Variants in CDH13 observed in about 807,000 individuals in gnomAD.
CDH13 encodes the protein cadherin 13, also known as cadherin-13.
CDH13 carries 24 observed loss-of-function variants against 63.8 expected under a neutral mutation model. The ratio of observed to expected loss-of-function variants is 0.38; its 90% confidence interval spans 0.27 to 0.53. The LOEUF is 0.53. CDH13 is among the 20% of genes least tolerant of loss of function. The pLI is 0.85. For missense variants in CDH13, 1,049 were observed against 903.1 expected, an observed-to-expected ratio of 1.16 and a Z score of -2.07; for synonymous variants, 503 against 355.3, an observed-to-expected ratio of 1.42 and a Z score of -4.67.
chr16:83,215,211 G>A (rs968702076), intron 4 of CDH13, among the ~76,000 whole-genome samples: 1 of 149,064 alleles, frequency 6.7e-6, no homozygotes, highest in Non-Finnish European at 1.5e-5. Context: ...AGAGTAACAG[G>A]GATTACAGGT....
intron 3 of CDH13, among the ~76,000 whole-genome samples, chr16:83,107,545 C>T (rs572122504): frequency 6.6e-5 from 10 of 152,214 alleles, no homozygotes; most frequent in African/African-American, 2.4e-4. Flanking sequence ...AAGTAGTTTG[C>T]ATTTAGGAGG....
chr16:83,114,937 G>A (rs1341258590), intron 3 of CDH13, among the ~76,000 whole-genome samples: 1 of 152,224 alleles, frequency 6.6e-6, no homozygotes, highest in East Asian at 1.9e-4. Context: ...ATTGGAGATT[G>A]GCTTCTGCAG....
At chr16:83,043,478 A>C (rs1047310378) in intron 3 of CDH13, among the ~76,000 whole-genome samples, 1 of 143,884 alleles carries the variant, frequency 7.0e-6, no homozygotes, top group African/African-American at 2.6e-5. Flanking sequence ...TTATATAATA[A>C]CTGTATATAT....
intron 1 of CDH13, among the ~76,000 whole-genome samples, chr16:82,668,159 C>T (rs1912825065): frequency 6.6e-6 from 1 of 152,118 alleles, no homozygotes; most frequent in African/African-American, 2.4e-5. Flanking sequence ...AGGCAGCATA[C>T]AGACCATGGG....
intron 1 of CDH13, among the ~76,000 whole-genome samples, chr16:82,632,332 A>G (rs1908112634): frequency 6.6e-6 from 1 of 152,162 alleles, no homozygotes; most frequent in Non-Finnish European, 1.5e-5. Context: ...AAAGGGAGGG[A>G]CTGGCCTTTT....
chr16:83,530,743 G>A (rs2075066143), intron 7 of CDH13, among the ~76,000 whole-genome samples: 1 of 151,420 alleles, frequency 6.6e-6, no homozygotes, highest in Non-Finnish European at 1.5e-5. Flanking sequence ...ACTTTCCCAA[G>A]TCACTCAACT....
At position 83,344,912 on chromosome 16, in the gene CDH13, G is replaced by A. The variant is rs2090805318; in HGVS notation, c.687G>A (p.Val229=). 6.2e-7 allele frequency: 1 copy of A among 1,613,986 alleles called. No individual in the cohort carries two copies. Among genetic ancestry groups the A allele is most frequent in the Non-Finnish European group, 8.5e-7 (1 of 1,179,848 alleles). ...ATGGCAAAACTCTCGAGGGGCCGGT[G>A]CCTCTGGAAGTCATTGTGATTGATC... is the stretch of plus-strand genomic sequence containing the variant. The part of the protein sequence containing the change: ...DVNGKTLEGP[V]PLEVIVIDQN... The change falls in exon 6 of 14, where the codon GTG becomes GTA. Residue 229 remains valine, a synonymous_variant. Coordinates refer to ENST00000567109, the MANE Select transcript of CDH13 (RefSeq NM_001257.5).
chr16:83,332,272 G>A (rs943664594), intron 5 of CDH13, among the ~76,000 whole-genome samples: 1 of 151,924 alleles, frequency 6.6e-6, no homozygotes, highest in African/African-American at 2.4e-5. Context: ...GAGCTCTAAT[G>A]GTGGCTTAGA....
chr16:83,309,201 G>GCCTA lies in CDH13; in HGVS notation c.637-35658_637-35655dup, dbSNP rs1460355977. Among the ~76,000 whole-genome samples the GCCTA allele has an allele frequency of 5.3e-5, 8 of 152,284 alleles. No homozygotes were observed. The South Asian group carries it at 1.7e-3, about 32-fold the overall frequency. On this transcript the variant is annotated intron_variant, in intron 5 of 13. Transcript: ENST00000567109. ...GTTTGCAGCGTTATACCGAGTGCTT[G>GCCTA]CCTACCAGTGGGCTCCAAAGGGATT...
At chr16:83,677,222 A>G (rs1044527854) in intron 9 of CDH13, among the ~76,000 whole-genome samples, 1 of 152,196 alleles carries the variant, frequency 6.6e-6, no homozygotes, top group Non-Finnish European at 1.5e-5. Context: ...CAGACACTCA[A>G]TTGGCAGCGC....
chr16:82,887,857 T>G (rs1460176969), intron 2 of CDH13, among the ~76,000 whole-genome samples: 1 of 149,930 alleles, frequency 6.7e-6, no homozygotes, highest in Non-Finnish European at 1.5e-5. Flanking sequence ...GTCTCAAGGG[T>G]TTTTTTTTCC....
chr16:82,944,140 G>A (rs554388215), intron 2 of CDH13, among the ~76,000 whole-genome samples: 51 of 152,282 alleles, frequency 3.3e-4, no homozygotes, highest in African/African-American at 9.6e-4. Context: ...CAGGAGAATC[G>A]TCTTAGGAGA....
At chr16:83,351,761 G>A (rs1321814172) in intron 6 of CDH13, among the ~76,000 whole-genome samples, 1 of 152,208 alleles carries the variant, frequency 6.6e-6, no homozygotes, top group Non-Finnish European at 1.5e-5. Context: ...TGGCGGATAT[G>A]CCCTGTTATG....
chr16:83,321,225 C>G (rs963858994), intron 5 of CDH13, among the ~76,000 whole-genome samples: 5 of 152,200 alleles, frequency 3.3e-5, no homozygotes, highest in African/African-American at 1.2e-4. Flanking sequence ...CGTGCTAATT[C>G]AGGTCAGATG....
rs543944159 is a variant in CDH13, at chr16:83,321,674, G to A, written c.637-23188G>A. Reference sequence around the variant, plus strand: ...CTCCTGAGTAGCTGGGACTACAGGCGCCTGCCACCATGCCCAGCTAATTTT... The same window carrying A: ...CTCCTGAGTAGCTGGGACTACAGGCACCTGCCACCATGCCCAGCTAATTTT... On this transcript the variant is annotated intron_variant, in intron 5 of 13. Transcript: ENST00000567109. 5.1e-3 allele frequency among the ~76,000 whole-genome samples: 775 copies of A among 151,908 alleles called. 2 individuals are homozygous for A. The highest frequency in any genetic ancestry group is 0.014 in the Middle Eastern group (4 of 294).
At chr16:83,144,966 C>G (rs970170640) in intron 4 of CDH13, among the ~76,000 whole-genome samples, 1 of 152,210 alleles carries the variant, frequency 6.6e-6, no homozygotes, top group African/African-American at 2.4e-5. Flanking sequence ...CGATTTCACC[C>G]TTCTTAGCAT....
At chr16:82,773,235 A>G (rs2035343140) in intron 1 of CDH13, 1 of 152,250 alleles carries the variant, frequency 6.6e-6, no homozygotes, top group Non-Finnish European at 1.5e-5. Context: ...GGTAAGAGAG[A>G]TAAATGTCCC....
chr16:83,031,343 ACG>A (rs1916311586), intron 2 of CDH13, among the ~76,000 whole-genome samples: 1 of 143,498 alleles, frequency 7.0e-6, no homozygotes, highest in African/African-American at 2.5e-5. Flanking sequence ...ATATGTATAC[ACG>A]TATATGGTAT....
At chr16:82,875,013 A>G (rs2040459544) in intron 2 of CDH13, among the ~76,000 whole-genome samples, 1 of 152,194 alleles carries the variant, frequency 6.6e-6, no homozygotes, top group Non-Finnish European at 1.5e-5. Flanking sequence ...CATACTCAAG[A>G]GGGAGAGAGA....
Sources: gnomAD v4.1 joint callset for allele counts (sites outside exome capture counted in the v4.1 genomes callset) on GRCh38, gnomAD v4.1.1 for gene constraint, MANE v1.5 for transcripts, NCBI Gene and HGNC (gene_info 2026-07-23, HGNC 2026-07-21) for gene names.